Variants in PHACTR1 observed in about 807,000 individuals in gnomAD.
PHACTR1 encodes the protein RPEL repeat containing 1.
PHACTR1 carries 16 observed loss-of-function variants against 69.2 expected under a neutral mutation model. The observed-to-expected ratio is 0.23, with a 90% CI of 0.16 to 0.35. The LOEUF (loss-of-function observed/expected upper bound fraction) is 0.35. Among genes scored for constraint, PHACTR1 ranks in the 10% least tolerant of loss-of-function variants. The pLI is 1.00. For missense variants in PHACTR1, 510 were observed against 734.7 expected, an observed-to-expected ratio of 0.69 and a Z score of 3.54; for synonymous variants, 312 against 284.5, an observed-to-expected ratio of 1.10 and a Z score of -0.97.
intron 4 of PHACTR1, among the ~76,000 whole-genome samples, chr6:12,967,664 A>C (rs1035032294): frequency 2.6e-5 from 4 of 152,178 alleles, no homozygotes; most frequent in Admixed American, 2.0e-4. Flanking sequence ...GAAATCTTTG[A>C]TCTCTTCTTA....
chr6:12,843,844 G>C (rs929885925), intron 4 of PHACTR1, among the ~76,000 whole-genome samples: 2 of 152,182 alleles, frequency 1.3e-5, no homozygotes, highest in African/African-American at 4.8e-5. Flanking sequence ...GGTCAAGTCT[G>C]TATTAATATT....
chr6:12,989,414 T>C (rs911721158), intron 4 of PHACTR1, among the ~76,000 whole-genome samples: 3 of 152,014 alleles, frequency 2.0e-5, no homozygotes, highest in Admixed American at 2.0e-4. Context: ...CATCAGGAGG[T>C]GCTATCTGAG....
intron 5 of PHACTR1, among the ~76,000 whole-genome samples, chr6:13,103,857 G>T (rs1333907333): frequency 4.6e-5 from 7 of 152,224 alleles, no homozygotes; most frequent in Non-Finnish European, 8.8e-5. Context: ...GCCAGGGTGG[G>T]CAGATCACTT....
chr6:12,864,326 C>G (rs1349380532), intron 4 of PHACTR1, among the ~76,000 whole-genome samples: 3 of 152,118 alleles, frequency 2.0e-5, no homozygotes, highest in African/African-American at 7.2e-5. Context: ...AACATGTTCT[C>G]AGGTGATATT....
At chr6:12,880,737 T>C (rs1783008286) in intron 4 of PHACTR1, among the ~76,000 whole-genome samples, 2 of 152,018 alleles carry the variant, frequency 1.3e-5, no homozygotes, top group African/African-American at 2.4e-5. Context: ...TAGGCAAGAT[T>C]TGAACAAAGG....
intron 13 of PHACTR1, among the ~76,000 whole-genome samples, chr6:13,284,864 C>T (rs562370671): frequency 2.0e-4 from 31 of 152,272 alleles, no homozygotes; most frequent in African/African-American, 7.2e-4. Context: ...CCAGAGACGA[C>T]CTCGCCTGTG....
chr6:12,899,017 C>T (rs1478925913), intron 4 of PHACTR1, among the ~76,000 whole-genome samples: 2 of 152,188 alleles, frequency 1.3e-5, no homozygotes, highest in Non-Finnish European at 2.9e-5. Context: ...CCTATGCTTC[C>T]TCATATGCAG....
At chr6:12,717,483 A>C (rs1251749955) in intron 1 of PHACTR1, 26 bp from the exon 2 acceptor site, 1 of 151,978 alleles carries the variant, frequency 6.6e-6, no homozygotes, top group Non-Finnish European at 1.5e-5. Context: ...TTTACACGGG[A>C]AACTGGTAAT....
chr6:13,045,411 A>G (rs1241551030), intron 4 of PHACTR1, among the ~76,000 whole-genome samples: 1 of 152,182 alleles, frequency 6.6e-6, no homozygotes, highest in Non-Finnish European at 1.5e-5. Context: ...CATAATAGTC[A>G]TCAGCACCGA....
intron 4 of PHACTR1, among the ~76,000 whole-genome samples, chr6:12,860,728 T>A (rs549522949): frequency 9.2e-5 from 14 of 152,348 alleles, no homozygotes; most frequent in African/African-American, 3.4e-4. Context: ...GGTTTTGATT[T>A]GCATTTCTCT....
chr6:13,208,991 C>T lies in PHACTR1; in HGVS notation c.986+2855C>T, dbSNP rs144775219. 1.4e-4 allele frequency among the ~76,000 whole-genome samples: 21 copies of T among 152,190 alleles called. No individual in the cohort carries two copies. In the East Asian group the frequency reaches 2.1e-3, roughly 15 times the overall value. ...CCTTCTTTCTCCCTCACTTCCCACT[C>T]GAGGTCAAAGCATAGGGTTGTCCTA... On this transcript the variant is annotated intron_variant, in intron 8 of 14. Coordinates refer to ENST00000332995, the MANE Select transcript of PHACTR1 (RefSeq NM_030948.6).
chr6:13,255,432 C>T (rs1451340752), intron 10 of PHACTR1, among the ~76,000 whole-genome samples: 2 of 152,170 alleles, frequency 1.3e-5, no homozygotes, highest in Non-Finnish European at 2.9e-5. Context: ...ATGTCCTTCT[C>T]ATATTGCAAA....
chr6:12,737,833 T>C (rs1301680691), intron 3 of PHACTR1, among the ~76,000 whole-genome samples: 1 of 152,166 alleles, frequency 6.6e-6, no homozygotes, highest in Non-Finnish European at 1.5e-5. Context: ...TGGCCTAAAG[T>C]GATCCTCCCT....
At chr6:13,271,927 A>C (rs1777821029) in intron 10 of PHACTR1, among the ~76,000 whole-genome samples, 1 of 152,082 alleles carries the variant, frequency 6.6e-6, no homozygotes, top group South Asian at 2.1e-4. Context: ...CATCATTTCT[A>C]CCCCTTAGAT....
At chr6:12,934,574 G>A (rs867465869) in intron 4 of PHACTR1, among the ~76,000 whole-genome samples, 7 of 152,168 alleles carry the variant, frequency 4.6e-5, no homozygotes, top group African/African-American at 1.2e-4. Context: ...GGTGGCTCAC[G>A]CCTGTAATCC....
chr6:13,018,083 A>G (rs1582986060), intron 4 of PHACTR1, among the ~76,000 whole-genome samples: 1 of 152,290 alleles, frequency 6.6e-6, no homozygotes, highest in Middle Eastern at 3.4e-3. Flanking sequence ...ATGGATTCCA[A>G]TGTGAACTTT....
At chr6:12,812,286 A>G (rs933260900) in intron 4 of PHACTR1, among the ~76,000 whole-genome samples, 4 of 152,210 alleles carry the variant, frequency 2.6e-5, no homozygotes, top group Admixed American at 6.5e-5. Flanking sequence ...CTCACTTAGC[A>G]TAATGTTTCC....
intron 4 of PHACTR1, among the ~76,000 whole-genome samples, chr6:12,909,866 C>T (rs1331049353): frequency 6.6e-6 from 1 of 152,212 alleles, no homozygotes; most frequent in Non-Finnish European, 1.5e-5. Flanking sequence ...CTCTTGCATA[C>T]CCAGGGCTTA....
chr6:13,077,167 A>G (rs1810625272), intron 5 of PHACTR1, among the ~76,000 whole-genome samples: 1 of 138,702 alleles, frequency 7.2e-6, no homozygotes, highest in African/African-American at 3.0e-5. Context: ...AGATGAAATG[A>G]TGCAAGCAAA....
Sources: allele counts gnomAD v4.1 joint callset (sites outside exome capture counted in the v4.1 genomes callset), GRCh38; gene constraint gnomAD v4.1.1; transcripts MANE v1.5; gene names NCBI Gene and HGNC (gene_info 2026-07-23, HGNC 2026-07-21).